The following GMPR variants were observed in gnomAD, a reference collection of about 807,000 sequenced individuals.
GMPR encodes GMP reductase 1.
A neutral mutation model predicts 38.4 loss-of-function variants in GMPR; 31 were observed. That is an observed-to-expected ratio of 0.81 (90% CI 0.61 to 1.09). The LOEUF (loss-of-function observed/expected upper bound fraction) is 1.09, where lower values mean the gene tolerates loss of function less well. GMPR is among the 50% of genes least tolerant of loss of function. GMPR has a pLI of 0.00. For missense variants in GMPR, 468 were observed against 453.7 expected (o/e 1.03, Z -0.29); for synonymous variants, 162 against 173.3 (o/e 0.93, Z 0.51).
chr6:16,283,302 A>G (rs1759610564), intron 6 of GMPR, among the ~76,000 whole-genome samples: 2 of 152,234 alleles, frequency 1.3e-5, no homozygotes, highest in Admixed American at 1.3e-4. Flanking sequence ...GTTGTTTTTA[A>G]CAACCTTTCA....
chr6:16,238,712 G>T lies in GMPR; in HGVS notation c.19G>T (p.Asp7Tyr). 7.0e-7 allele frequency: 1 copy of T among 1,434,376 alleles called. No homozygotes were observed. The highest frequency in any genetic ancestry group is 9.3e-7 in the Non-Finnish European group (1 of 1,081,060). 88.9% of individuals were successfully genotyped at this position (1,434,376 alleles called of 1,614,324 possible). A position where few individuals can be genotyped will look rare whatever the true frequency, so the allele number is the denominator to read the frequency against. Residue 7 changes from aspartate (D) to tyrosine (Y), a missense_variant, in exon 1 of 9, where the codon GAC (aspartate) becomes TAC (tyrosine). Asp to Tyr is a radical substitution (Grantham distance 160). Coordinates refer to ENST00000259727, the MANE Select transcript of GMPR (RefSeq NM_006877.4). MPRIDA[D>Y]LKLDFKDVLL... ...CTGCACCATGCCCCGCATAGATGCG[G>T]ACCTCAAGCTCGACTTCAAGGATGT...
chr6:16,287,039 T>G (rs951658979), intron 7 of GMPR, among the ~76,000 whole-genome samples: 2 of 152,196 alleles, frequency 1.3e-5, no homozygotes, highest in Non-Finnish European at 2.9e-5. Flanking sequence ...AAATGGTATT[T>G]AACCTCCTCC....
intron 1 of GMPR, among the ~76,000 whole-genome samples, chr6:16,239,622 G>A (rs1465209345): frequency 2.0e-5 from 3 of 152,244 alleles, no homozygotes; most frequent in Non-Finnish European, 4.4e-5. Context: ...AACCGGACAC[G>A]GTTGAAGGCT....
intron 6 of GMPR, among the ~76,000 whole-genome samples, chr6:16,283,190 T>G (rs1759608327): frequency 1.3e-5 from 2 of 152,218 alleles, no homozygotes; most frequent in Non-Finnish European, 2.9e-5. Flanking sequence ...CATTTGTACT[T>G]AAATATAATG....
At position 16,290,462 on chromosome 6, in the gene GMPR, G is replaced by A. The variant is rs148940073; in HGVS notation, c.698G>A (p.Gly233Glu). 11 of 1,613,732 alleles carry A rather than the reference G, an allele frequency of 6.8e-6. No homozygotes were observed. The highest frequency in any genetic ancestry group is 9.3e-6 in the Non-Finnish European group (11 of 1,179,654). ...TCPGDVAKAF[G>E]AGADFVMLGG... ...TTTCATCCCCACCGTTGGCATTTAG[G>A]AGCTGGAGCAGATTTTGTCATGCTG... Residue 233 changes from glycine (G) to glutamate (E), a missense_variant and splice_region_variant, in exon 8 of 9, where the codon GGA (glycine) becomes GAA (glutamate). By Grantham distance (98) the Gly-to-Glu change is moderately conservative. Coordinates refer to ENST00000259727, the MANE Select transcript of GMPR (RefSeq NM_006877.4).
chr6:16,290,221 TG>T, intron 7 of GMPR: 1 of 534,158 alleles, frequency 1.9e-6, no homozygotes, highest in East Asian at 3.2e-5. Context: ...GTCCAGTATA[TG>T]GGACACTAGC....
At chr6:16,244,189 G>T (rs534477032) in intron 1 of GMPR, among the ~76,000 whole-genome samples, 1 of 150,540 alleles carries the variant, frequency 6.6e-6, no homozygotes, top group Admixed American at 6.6e-5. Flanking sequence ...TAGGAATGTG[G>T]TAGGTTGTCC....
In GMPR at chr6:16,278,856, A is replaced by T; in HGVS notation, c.620A>T (p.Asp207Val). The T allele has an allele frequency of 1.2e-6, 2 of 1,613,468 alleles. No homozygotes were observed. Among genetic ancestry groups the T allele is most frequent in the African/African-American group, 1.3e-5 (1 of 74,888 alleles). ...CTGAGTGCCGTCATTGAGTGTGCCGACTCTGCCCATGGCCTGAAGGGCCAC... is the reference window on the plus strand; with the variant it reads ...CTGAGTGCCGTCATTGAGTGTGCCGTCTCTGCCCATGGCCTGAAGGGCCAC... ...PQLSAVIECA[D>V]SAHGLKGHII... The change falls in exon 6 of 9, where the codon GAC becomes GTC. Residue 207 changes from aspartate to valine, a missense_variant. Physicochemically the swap from Asp to Val is radical, Grantham distance 152. Coordinates refer to ENST00000259727, the MANE Select transcript of GMPR (RefSeq NM_006877.4).
At chr6:16,256,447 C>T (rs113838061) in intron 4 of GMPR, among the ~76,000 whole-genome samples, 115 of 145,042 alleles carry the variant, frequency 7.9e-4, no homozygotes, top group South Asian at 1.1e-3. Context: ...GAGAATTGCT[C>T]GAACCCGGGA....
chr6:16,240,513 G>A (rs1270076792), intron 1 of GMPR, among the ~76,000 whole-genome samples: 2 of 151,544 alleles, frequency 1.3e-5, no homozygotes, highest in Non-Finnish European at 2.9e-5. Flanking sequence ...GTGCTCACCT[G>A]TAGTCCCAGC....
At chr6:16,256,937 A>G (rs1476115125) in intron 4 of GMPR, among the ~76,000 whole-genome samples, 1 of 151,982 alleles carries the variant, frequency 6.6e-6, no homozygotes, top group Non-Finnish European at 1.5e-5. Flanking sequence ...TTAATCTTTG[A>G]CCCTGGTTCC....
intron 4 of GMPR, among the ~76,000 whole-genome samples, chr6:16,257,304 C>T (rs1759001293): frequency 6.6e-6 from 1 of 152,180 alleles, no homozygotes; most frequent in Admixed American, 6.5e-5. Flanking sequence ...CCCTATGTCT[C>T]GCTTCATCAG....
At chr6:16,260,317 G>T (rs896438095) in intron 4 of GMPR, among the ~76,000 whole-genome samples, 2 of 151,980 alleles carry the variant, frequency 1.3e-5, no homozygotes, top group Non-Finnish European at 1.5e-5. Context: ...ATAAAGGCTG[G>T]TCTGTTATCA....
intron 4 of GMPR, among the ~76,000 whole-genome samples, chr6:16,266,626 C>T (rs1581656727): frequency 1.3e-5 from 2 of 151,526 alleles, no homozygotes; most frequent in African/African-American, 4.8e-5. Flanking sequence ...CACGGTGAAA[C>T]CCCATCTCTA....
chr6:16,289,135 T>C (rs968583502), intron 7 of GMPR, among the ~76,000 whole-genome samples: 3 of 152,254 alleles, frequency 2.0e-5, no homozygotes, highest in Admixed American at 2.0e-4. Flanking sequence ...CACACTGCTT[T>C]TATGAGCTGT....
At chr6:16,267,556 G>C (rs1197063101) in intron 4 of GMPR, among the ~76,000 whole-genome samples, 2 of 152,164 alleles carry the variant, frequency 1.3e-5, no homozygotes, top group African/African-American at 4.8e-5. Context: ...CCACCAGAAG[G>C]AAGAAACTCC....
chr6:16,243,389 G>A (rs1021267769), intron 1 of GMPR, among the ~76,000 whole-genome samples: 1 of 152,134 alleles, frequency 6.6e-6, no homozygotes, highest in Non-Finnish European at 1.5e-5. Flanking sequence ...AGCTTCTCAC[G>A]AGCCTGATAA....
chr6:16,277,093 C>T (rs1184403051), intron 5 of GMPR, among the ~76,000 whole-genome samples: 1 of 152,160 alleles, frequency 6.6e-6, no homozygotes, highest in Non-Finnish European at 1.5e-5. Flanking sequence ...GGGGTTAAAC[C>T]TTTTATTCTG....
At chr6:16,283,507 T>C (rs1011583675) in intron 6 of GMPR, among the ~76,000 whole-genome samples, 1 of 152,242 alleles carries the variant, frequency 6.6e-6, no homozygotes, top group Non-Finnish European at 1.5e-5. Context: ...CCATTAACCA[T>C]ATACAGTTGT....
Sources: gnomAD v4.1 joint callset for allele counts (sites outside exome capture counted in the v4.1 genomes callset) on GRCh38, gnomAD v4.1.1 for gene constraint, MANE v1.5 for transcripts, NCBI Gene and HGNC (gene_info 2026-07-23, HGNC 2026-07-21) for gene names.